MYO3B: variants seen among roughly 807,000 people sequenced by gnomAD.
MYO3B encodes myosin-IIIb.
Under a neutral mutation model 174.6 loss-of-function variants are expected in MYO3B, and 156 were observed. The ratio of observed to expected loss-of-function variants is 0.89; its 90% confidence interval spans 0.78 to 1.02. MYO3B has a LOEUF of 1.02. Ranked by LOEUF, MYO3B falls within the 50% of genes least tolerant of loss-of-function variation. MYO3B has a pLI of 0.00. For synonymous variants in MYO3B, 563 were observed against 569.1 expected, an observed-to-expected ratio of 0.99 and a Z score of 0.15; for missense variants, 1,632 against 1,639.4, an observed-to-expected ratio of 1.00 and a Z score of 0.08.
chr2:170,639,469 TA>T (rs1429826619), intron 32 of MYO3B, among the ~76,000 whole-genome samples: 1 of 152,192 alleles, frequency 6.6e-6, no homozygotes, highest in Non-Finnish European at 1.5e-5. Context: ...CACGTGAAAG[TA>T]CGTGGTGGAT....
At chr2:170,560,571 A>G (rs983311387) in intron 32 of MYO3B, among the ~76,000 whole-genome samples, 2 of 152,148 alleles carry the variant, frequency 1.3e-5, no homozygotes, top group Admixed American at 1.3e-4. Context: ...TGGTGCCAGT[A>G]TTTTCCCTAA....
chr2:170,499,062 T>A (rs1687058914), intron 26 of MYO3B, among the ~76,000 whole-genome samples: 1 of 152,248 alleles, frequency 6.6e-6, no homozygotes, highest in Non-Finnish European at 1.5e-5. Context: ...ATTTTTTCAC[T>A]GGACTCATGT....
chr2:170,522,959 TA>T (rs35950752), intron 30 of MYO3B, among the ~76,000 whole-genome samples: 5,299 of 152,234 alleles, frequency 0.035, 258 homozygotes, highest in African/African-American at 0.1. Context: ...CTCTTGTTAC[TA>T]AAAAAAATCA....
At chr2:170,347,208 T>A (rs2094023157) in intron 8 of MYO3B, among the ~76,000 whole-genome samples, 1 of 152,236 alleles carries the variant, frequency 6.6e-6, no homozygotes, top group African/African-American at 2.4e-5. Context: ...GTTGTGCATC[T>A]GACATGGTGA....
chr2:170,249,510 G>T (rs61619055), intron 7 of MYO3B, among the ~76,000 whole-genome samples: 2,030 of 152,294 alleles, frequency 0.013, 42 homozygotes, highest in African/African-American at 0.046. Context: ...CTCCAATGCA[G>T]GAGCATCTGA....
intron 32 of MYO3B, among the ~76,000 whole-genome samples, chr2:170,550,500 A>C (rs1690806010): frequency 6.6e-6 from 1 of 152,192 alleles, no homozygotes; most frequent in South Asian, 2.1e-4. Flanking sequence ...CCCTTTGAAA[A>C]TCACTGCTCT....
intron 32 of MYO3B, among the ~76,000 whole-genome samples, chr2:170,626,506 A>T (rs1330884002): frequency 2.6e-5 from 4 of 152,130 alleles, no homozygotes; most frequent in African/African-American, 9.7e-5. Flanking sequence ...TTTTCATCCA[A>T]TTTGCCAGTC....
At chr2:170,197,259 C>T (rs1203935946) in intron 1 of MYO3B, among the ~76,000 whole-genome samples, 1 of 152,210 alleles carries the variant, frequency 6.6e-6, no homozygotes, top group Non-Finnish European at 1.5e-5. Context: ...TGAGTAATAA[C>T]TCCATCTCCC....
intron 7 of MYO3B, among the ~76,000 whole-genome samples, chr2:170,289,043 T>C (rs563517311): frequency 6.6e-6 from 1 of 152,158 alleles, no homozygotes; most frequent in East Asian, 1.9e-4. Flanking sequence ...CATCTTTGCA[T>C]TTCTGGGGTG....
rs751319209 is a variant in MYO3B, at chr2:170,515,008, C to A, written c.3458C>A (p.Pro1153His). 1.5e-5 allele frequency: 25 copies of A among 1,613,828 alleles called. No individual in the cohort carries two copies. The highest frequency in any genetic ancestry group is 2.7e-5 in the African/African-American group (2 of 74,938). ...GCCGAGGTTCAAGACTGCAGCGAGC[C>A]TGGTGACCATAAAGGTAGAGTCTTT... ...GSAEVQDCSE[P>H]GDHKVLRGSV... The change falls in exon 29 of 35, where the codon CCT becomes CAT. Residue 1153 changes from proline (P) to histidine (H), a missense_variant. By Grantham distance (77) the Pro-to-His change is moderately conservative. Coordinates refer to ENST00000408978, the MANE Select transcript of MYO3B (RefSeq NM_138995.5).
chr2:170,254,327 A>G (rs1177725392), intron 7 of MYO3B, among the ~76,000 whole-genome samples: 3 of 152,056 alleles, frequency 2.0e-5, no homozygotes, highest in Non-Finnish European at 4.4e-5. Context: ...GCAGCAAAAC[A>G]CCGTAGACGC....
chr2:170,653,015 A>G lies in MYO3B; in HGVS notation c.3920A>G (p.Tyr1307Cys). Residue 1307 changes from tyrosine (Y) to cysteine (C), a missense_variant, in exon 35 of 35, where the codon TAT (tyrosine) becomes TGT (cysteine). By Grantham distance (194) the Tyr-to-Cys change is radical. Transcript: ENST00000408978. ...AAAGTACTTGATGGGGAAGATGAAT[A>G]TTACAAATCTCTGTCACCAGTGGAC... Reference protein sequence around the residue: ...QIKVLDGEDEYYKSLSPVDCI... With the variant: ...QIKVLDGEDECYKSLSPVDCI... 6.2e-7 allele frequency: 1 copy of G among 1,614,176 alleles called. No individual in the cohort carries two copies.
intron 32 of MYO3B, among the ~76,000 whole-genome samples, chr2:170,545,556 A>G (rs1690426009): frequency 6.6e-6 from 1 of 152,252 alleles, no homozygotes; most frequent in South Asian, 2.1e-4. Context: ...GTTCAGGGGA[A>G]GTAAAAATAC....
chr2:170,628,690 T>G (rs1696680229), intron 32 of MYO3B, among the ~76,000 whole-genome samples: 1 of 151,446 alleles, frequency 6.6e-6, no homozygotes, highest in African/African-American at 2.4e-5. Flanking sequence ...TCTTATATTC[T>G]TATAAATCAA....
chr2:170,427,820 A>G (rs910744889), intron 22 of MYO3B, among the ~76,000 whole-genome samples: 2 of 152,210 alleles, frequency 1.3e-5, no homozygotes, highest in African/African-American at 4.8e-5. Flanking sequence ...TTGGATACCT[A>G]TATATCAAAA....
At chr2:170,290,902 AG>A (rs2093591337) in intron 7 of MYO3B, among the ~76,000 whole-genome samples, 1 of 152,186 alleles carries the variant, frequency 6.6e-6, no homozygotes, top group Non-Finnish European at 1.5e-5. Flanking sequence ...TAGATATAAC[AG>A]GTTACTTTAA....
chr2:170,182,826 G>A (rs2092418563), intron 1 of MYO3B, among the ~76,000 whole-genome samples: 1 of 151,862 alleles, frequency 6.6e-6, no homozygotes, highest in South Asian at 2.1e-4. Context: ...GGCCTGGCTG[G>A]TCAAACTCCT....
At chr2:170,423,822 G>A (rs144444151) in intron 22 of MYO3B, among the ~76,000 whole-genome samples, 62 of 151,974 alleles carry the variant, frequency 4.1e-4, no homozygotes, top group African/African-American at 1.4e-3. Flanking sequence ...TTCGTGATCC[G>A]CCTGCCTTGG....
chr2:170,330,306 T>G (rs1417509545), intron 7 of MYO3B, among the ~76,000 whole-genome samples: 1 of 152,222 alleles, frequency 6.6e-6, no homozygotes, highest in African/African-American at 2.4e-5. Flanking sequence ...TCTGTCATTT[T>G]TTTTGCATGT....
Sources: allele counts gnomAD v4.1 joint callset (sites outside exome capture counted in the v4.1 genomes callset), GRCh38; gene constraint gnomAD v4.1.1; transcripts MANE v1.5; gene names NCBI Gene and HGNC (gene_info 2026-07-23, HGNC 2026-07-21).